The following AGBL3 variants were observed in gnomAD, a reference collection of about 807,000 sequenced individuals.
The protein encoded by AGBL3 is cytosolic carboxypeptidase 3.
AGBL3 carries 68 observed loss-of-function variants against 94.5 expected under a neutral mutation model. The observed-to-expected ratio is 0.72, with a 90% CI of 0.59 to 0.88. The LOEUF is 0.88. Among genes scored for constraint, AGBL3 ranks in the 40% least tolerant of loss-of-function variants. The pLI is 0.00. For missense variants in AGBL3, 934 were observed against 1,103.8 expected, an observed-to-expected ratio of 0.85 and a Z score of 2.18; for synonymous variants, 354 against 370.7, an observed-to-expected ratio of 0.95 and a Z score of 0.52.
At chr7:134,989,102 A>G in intron 2 of AGBL3, 148 bp from the exon 3 acceptor site, 1 of 579,746 alleles carries the variant, frequency 1.7e-6, no homozygotes, top group South Asian at 1.9e-5. Context: ...CATTGAGACC[A>G]GTAGCTGATA....
chr7:135,122,403 C>T (rs1827261082), intron 16 of AGBL3, among the ~76,000 whole-genome samples: 1 of 152,220 alleles, frequency 6.6e-6, no homozygotes, highest in Admixed American at 6.5e-5. Context: ...GCCTGAGCCC[C>T]TAGCGGGAGG....
At chr7:135,052,812 T>C (rs1685063608) in intron 11 of AGBL3, among the ~76,000 whole-genome samples, 2 of 152,202 alleles carry the variant, frequency 1.3e-5, no homozygotes, top group South Asian at 4.1e-4. Context: ...TATCATGTGT[T>C]ATCTATCTAG....
chr7:135,038,440 T>G (rs1267263415), intron 8 of AGBL3, among the ~76,000 whole-genome samples: 3 of 152,250 alleles, frequency 2.0e-5, no homozygotes, highest in Non-Finnish European at 4.4e-5. Flanking sequence ...TATAGTTTAT[T>G]ACTCCTATAA....
intron 5 of AGBL3, among the ~76,000 whole-genome samples, chr7:135,028,362 C>T (rs954933090): frequency 6.7e-6 from 1 of 148,448 alleles, no homozygotes; most frequent in Non-Finnish European, 1.5e-5. Context: ...TAGTTTATAA[C>T]TAATATTATG....
chr7:134,998,136 T>C (rs1272969635), intron 4 of AGBL3, among the ~76,000 whole-genome samples: 1 of 152,182 alleles, frequency 6.6e-6, no homozygotes, highest in African/African-American at 2.4e-5. Flanking sequence ...ATCTGCAGTA[T>C]TGTAGTAGAT....
intron 7 of AGBL3, among the ~76,000 whole-genome samples, chr7:135,036,670 A>G (rs1403689553): frequency 6.6e-6 from 1 of 152,250 alleles, no homozygotes; most frequent in Non-Finnish European, 1.5e-5. Flanking sequence ...CCGAAGCTCA[A>G]TAAGAGAAAG....
chr7:135,123,916 C>A (rs1291367269), intron 16 of AGBL3, among the ~76,000 whole-genome samples: 1 of 152,118 alleles, frequency 6.6e-6, no homozygotes, highest in South Asian at 2.1e-4. Flanking sequence ...AAAACAAAAA[C>A]CAGTACCAGC....
chr7:135,126,810 A>G (rs1827938622), intron 16 of AGBL3, among the ~76,000 whole-genome samples: 1 of 152,248 alleles, frequency 6.6e-6, no homozygotes, highest in South Asian at 2.1e-4. Flanking sequence ...AAAACTGGCT[A>G]GCCATGTGCA....
At chr7:135,016,124 T>G (rs939750082) in intron 4 of AGBL3, among the ~76,000 whole-genome samples, 20 of 152,124 alleles carry the variant, frequency 1.3e-4, no homozygotes, top group African/African-American at 4.1e-4. Context: ...TGGGAGCTAT[T>G]TTATTAGTTC....
At chr7:135,062,076 A>G (rs1818884701) in intron 12 of AGBL3, among the ~76,000 whole-genome samples, 2 of 151,860 alleles carry the variant, frequency 1.3e-5, no homozygotes, top group Admixed American at 6.6e-5. Context: ...TCTTTTATCA[A>G]TGTTTTATAA....
intron 4 of AGBL3, among the ~76,000 whole-genome samples, chr7:134,998,923 A>G (rs1811353363): frequency 6.6e-6 from 1 of 152,192 alleles, no homozygotes; most frequent in Admixed American, 6.5e-5. Context: ...CCACCATAAA[A>G]GAATTTGTCA....
rs570905431 is a variant in AGBL3 at position 135,087,280 on chromosome 7, AC to A, written c.2110+5492del. 2.5e-3 allele frequency among the ~76,000 whole-genome samples: 382 copies of A among 151,830 alleles called. 1 individual carries two copies. Among genetic ancestry groups the A allele is most frequent in the African/African-American group, 8.6e-3 (356 of 41,510 alleles). ...TTGTTGATTTTATCTTTCAAAAAAAACCAACTTTTCATTTCATTGATCTTTT... is the reference window on the plus strand; with the variant it reads ...TTGTTGATTTTATCTTTCAAAAAAAACAACTTTTCATTTCATTGATCTTTT... On this transcript the variant is annotated intron_variant, in intron 15 of 16. Coordinates refer to ENST00000436302, the MANE Select transcript of AGBL3 (RefSeq NM_178563.4).
Position 135,027,519 on chromosome 7 carries a change from T to G in AGBL3, c.419-5325T>G, listed in dbSNP as rs543943223. ...TGAATTTCCATCTGGCATCATTGTT[T>G]TTTTATCCCAAAGAACGTCTTTAGC... On this transcript the variant is annotated intron_variant, in intron 5 of 16. Coordinates refer to ENST00000436302, the MANE Select transcript of AGBL3 (RefSeq NM_178563.4). Among the ~76,000 whole-genome samples the G allele has an allele frequency of 1.3e-3, 199 of 151,784 alleles. 3 individuals are homozygous for G. Among genetic ancestry groups the G allele is most frequent in the African/African-American group, 4.7e-3 (197 of 41,558 alleles).
rs1318087757 is a variant in AGBL3 at position 134,987,895 on chromosome 7, C to T, written c.-39C>T. ...CTTAGAAATTGTTTTACAGCCTACC[C>T]GTATATTACAAGAAATCTCAAGTCA... On this transcript the variant is annotated 5_prime_UTR_variant, in exon 2 of 17. Coordinates refer to ENST00000436302, the MANE Select transcript of AGBL3 (RefSeq NM_178563.4). 3.4e-6 allele frequency: 5 copies of T among 1,459,596 alleles called. No individual in the cohort carries two copies. The highest frequency in any genetic ancestry group is 2.5e-5 in the East Asian group (1 of 40,100). The allele number at this position is 1,459,596 out of a possible 1,614,324, so 90.4% of individuals were successfully genotyped here. A position where few individuals can be genotyped will look rare whatever the true frequency, so the allele number is the denominator to read the frequency against.
chr7:135,109,000 G>A (rs988248853), intron 15 of AGBL3, among the ~76,000 whole-genome samples: 1 of 152,132 alleles, frequency 6.6e-6, no homozygotes, highest in African/African-American at 2.4e-5. Context: ...GGGTTGTGTT[G>A]TGAAATTCTT....
chr7:135,075,090 G>A (rs1820325395), intron 12 of AGBL3, among the ~76,000 whole-genome samples: 1 of 151,932 alleles, frequency 6.6e-6, no homozygotes, highest in African/African-American at 2.4e-5. Flanking sequence ...TCCCCTAATG[G>A]TAACATCTTA....
Position 134,993,571 on chromosome 7 carries a change from G to A in AGBL3, c.203G>A (p.Arg68His), listed in dbSNP as rs754513342. ...TATCAGCTAGGGAGATGGGTGCCAC[G>A]TCTTCGTGAACCAAGGGATTTATAT... ...LEYQLGRWVP[R>H]LREPRDLYGV... Residue 68 changes from arginine (R) to histidine (H), a missense_variant, in exon 4 of 17, where the codon CGT becomes CAT. By Grantham distance (29) the Arg-to-His change is conservative. Around this residue, in one of 3 missense-constraint regions of AGBL3, gnomAD observed 488 missense variants for 563.6 expected, o/e 0.87. Coordinates refer to ENST00000436302, the MANE Select transcript of AGBL3 (RefSeq NM_178563.4). 2.3e-5 allele frequency: 35 copies of A among 1,551,750 alleles called. No individual in the cohort carries two copies. The East Asian group carries it at 3.4e-4, about 15-fold the overall frequency.
chr7:135,128,927 C>T (rs1039592378), intron 16 of AGBL3: 3 of 1,534,328 alleles, frequency 2.0e-6, no homozygotes, highest in African/African-American at 2.7e-5. Context: ...TGTTCCTGTG[C>T]AATATCTGTT....
chr7:135,115,756 C>A, intron 16 of AGBL3, 145 bp downstream of exon 16: 1 of 630,982 alleles, frequency 1.6e-6, no homozygotes, highest in Non-Finnish European at 2.7e-6. Context: ...GAACAAAGAC[C>A]CAAAGCTGTC....
Sources: gnomAD v4.1 joint callset for allele counts (sites outside exome capture counted in the v4.1 genomes callset) on GRCh38, gnomAD v4.1.1 for gene constraint, gnomAD v4.1.1 regional missense constraint, MANE v1.5 for transcripts, NCBI Gene and HGNC (gene_info 2026-07-23, HGNC 2026-07-21) for gene names.